The following CD86 variants were observed in gnomAD, a reference collection of about 807,000 sequenced individuals.
The protein encoded by CD86 is T-lymphocyte activation antigen CD86.
CD86 carries 11 observed loss-of-function variants against 32.1 expected under a neutral mutation model. The ratio of observed to expected loss-of-function variants is 0.34; its 90% CI spans 0.22 to 0.57. The LOEUF (loss-of-function observed/expected upper bound fraction) is 0.57. CD86 is among the 20% of genes least tolerant of loss of function. CD86 has a pLI of 0.86. For missense variants in CD86, 359 were observed against 398.4 expected (o/e 0.90, Z 0.84); for synonymous variants, 137 against 135.3 (o/e 1.01, Z -0.09).
At chr3:122,072,664 T>C (rs1257751906) in intron 1 of CD86, among the ~76,000 whole-genome samples, 3 of 152,138 alleles carry the variant, frequency 2.0e-5, no homozygotes, top group Admixed American at 1.3e-4. Context: ...CAAAAATTTT[T>C]TCCCATTTTG....
intron 5 of CD86, among the ~76,000 whole-genome samples, chr3:122,114,706 C>A (rs2073224351): frequency 6.6e-6 from 1 of 152,084 alleles, no homozygotes; most frequent in Non-Finnish European, 1.5e-5. Flanking sequence ...GCTCAACATT[C>A]AAAAATCAGG....
At chr3:122,119,390 G>T in intron 6 of CD86, 48 bp from the exon 7 acceptor site, 1 of 1,114,436 alleles carries the variant, frequency 9.0e-7, no homozygotes, top group Non-Finnish European at 1.4e-6. Flanking sequence ...GAAAAAGAAA[G>T]TAGCTCAAAT....
intron 2 of CD86, among the ~76,000 whole-genome samples, chr3:122,098,477 G>C: frequency 6.6e-6 from 1 of 152,110 alleles, no homozygotes; most frequent in Non-Finnish European, 1.5e-5. Context: ...TAGGTACTGG[G>C]GACCCAATTA....
intron 1 of CD86, among the ~76,000 whole-genome samples, chr3:122,056,628 C>T (rs1241925590): frequency 6.6e-6 from 1 of 152,100 alleles, no homozygotes; most frequent in Admixed American, 6.5e-5. Flanking sequence ...CACCGCGCAC[C>T]CGGCCGTCAC....
At chr3:122,116,198 G>A (rs956407859) in intron 5 of CD86, among the ~76,000 whole-genome samples, 3 of 152,094 alleles carry the variant, frequency 2.0e-5, no homozygotes. Flanking sequence ...TTTAAAAAAC[G>A]AAAAGTCAAA....
chr3:122,113,493 T>C (rs2073205010), intron 5 of CD86, among the ~76,000 whole-genome samples: 1 of 152,238 alleles, frequency 6.6e-6, no homozygotes, highest in South Asian at 2.1e-4. Context: ...TGTTCCCTTT[T>C]CACCACATCC....
intron 5 of CD86, 71 bp from the exon 6 acceptor site, chr3:122,117,977 C>T: frequency 7.5e-7 from 1 of 1,340,340 alleles, no homozygotes; most frequent in Non-Finnish European, 1.1e-6. Context: ...ACTTTGAAGC[C>T]TTTTCAAACT....
chr3:122,083,164 T>C (rs774522127), intron 1 of CD86, among the ~76,000 whole-genome samples: 9 of 152,234 alleles, frequency 5.9e-5, no homozygotes, highest in Non-Finnish European at 1.3e-4. Context: ...TCTTCCTGCA[T>C]CTGTCCTGGC....
chr3:122,107,463 G>A (rs1046342107), intron 4 of CD86, among the ~76,000 whole-genome samples: 4 of 152,214 alleles, frequency 2.6e-5, no homozygotes, highest in African/African-American at 9.7e-5. Flanking sequence ...AAACTAAGCA[G>A]TAGCCACTAA....
intron 2 of CD86, among the ~76,000 whole-genome samples, chr3:122,096,372 A>G (rs974440312): frequency 2.0e-5 from 3 of 151,892 alleles, no homozygotes; most frequent in Non-Finnish European, 4.4e-5. Context: ...ATCTATTTTT[A>G]TGTTTTATAA....
At chr3:122,098,704 C>T (rs746675108) in intron 2 of CD86, among the ~76,000 whole-genome samples, 1 of 152,178 alleles carries the variant, frequency 6.6e-6, no homozygotes, top group Non-Finnish European at 1.5e-5. Flanking sequence ...GAGACAATTA[C>T]ATTAGTCTCC....
At chr3:122,104,140 A>T (rs905428049) in intron 3 of CD86, among the ~76,000 whole-genome samples, 1 of 152,236 alleles carries the variant, frequency 6.6e-6, no homozygotes, top group Non-Finnish European at 1.5e-5. Context: ...CTAATTACCT[A>T]TAGTAAAAAC....
At position 122,074,014 on chromosome 3, in the gene CD86, TGGA is replaced by T. The variant is rs1378011760; in HGVS notation, c.15-17586_15-17584del. ...AGTTCACCTGGTAACTGGAAAATGATGGAAGGGCCTCAAGTCCCTAGTCTGTCC... is the reference window on the plus strand; with the variant it reads ...AGTTCACCTGGTAACTGGAAAATGATAGGGCCTCAAGTCCCTAGTCTGTCC... On this transcript the variant is annotated intron_variant, in intron 1 of 6. Transcript: ENST00000330540. 6.6e-5 allele frequency among the ~76,000 whole-genome samples: 10 copies of T among 152,302 alleles called. No homozygotes were observed. The East Asian group carries it at 1.9e-3, about 29-fold the overall frequency.
intron 1 of CD86, among the ~76,000 whole-genome samples, chr3:122,074,911 T>C (rs1261872056): frequency 1.3e-5 from 2 of 152,108 alleles, no homozygotes; most frequent in African/African-American, 4.8e-5. Context: ...AAGGAACTGA[T>C]CTTCTCCACT....
At chr3:122,088,817 C>T (rs2072766927) in intron 1 of CD86, among the ~76,000 whole-genome samples, 2 of 152,178 alleles carry the variant, frequency 1.3e-5, no homozygotes, top group Admixed American at 6.5e-5. Context: ...TCTAGCAATT[C>T]CCCTTCTGGG....
At chr3:122,077,551 G>A (rs1051285617) in intron 1 of CD86, among the ~76,000 whole-genome samples, 2 of 152,212 alleles carry the variant, frequency 1.3e-5, no homozygotes, top group African/African-American at 2.4e-5. Context: ...CTGAAGCCCC[G>A]TGGAGCTCAG....
At chr3:122,104,214 T>C (rs969820708) in intron 3 of CD86, among the ~76,000 whole-genome samples, 64 of 152,300 alleles carry the variant, frequency 4.2e-4, no homozygotes, top group Non-Finnish European at 1.6e-4. Context: ...CTTACATTCA[T>C]TTTTTCCTTG....
intron 2 of CD86, among the ~76,000 whole-genome samples, chr3:122,102,189 C>T (rs1438669414): frequency 6.6e-6 from 1 of 152,118 alleles, no homozygotes; most frequent in Non-Finnish European, 1.5e-5. Flanking sequence ...TACTCCCCCA[C>T]TTAGAACTCT....
chr3:122,063,489 A>C (rs2072367495), intron 1 of CD86, among the ~76,000 whole-genome samples: 1 of 152,198 alleles, frequency 6.6e-6, no homozygotes, highest in South Asian at 2.1e-4. Flanking sequence ...TTAATGAGAG[A>C]AGACAACATA....
Sources: allele counts gnomAD v4.1 joint callset (sites outside exome capture counted in the v4.1 genomes callset), GRCh38; gene constraint gnomAD v4.1.1; transcripts MANE v1.5; gene names NCBI Gene and HGNC (gene_info 2026-07-23, HGNC 2026-07-21).